MACROD2: variants seen among roughly 807,000 people sequenced by gnomAD.
MACROD2 encodes ADP-ribose glycohydrolase MACROD2.
In MACROD2, 36 loss-of-function variants were observed where a neutral mutation model predicts 70.4. The observed-to-expected ratio is 0.51, with a 90% CI of 0.39 to 0.68. The LOEUF is 0.68. Ranked by LOEUF, MACROD2 falls within the 30% of genes least tolerant of loss-of-function variation. The pLI is 0.00. For missense variants in MACROD2, 496 were observed against 538.4 expected, an observed-to-expected ratio of 0.92 and a Z score of 0.78; for synonymous variants, 172 against 178.8, an observed-to-expected ratio of 0.96 and a Z score of 0.30.
chr20:15,017,614 AGG>A (rs1187392002), intron 5 of MACROD2, among the ~76,000 whole-genome samples: 1 of 152,190 alleles, frequency 6.6e-6, no homozygotes, highest in Non-Finnish European at 1.5e-5. Flanking sequence ...GCCCTAGCAG[AGG>A]TTCTCCATGA....
chr20:14,652,844 A>G (rs1985747639), intron 4 of MACROD2, among the ~76,000 whole-genome samples: 1 of 152,208 alleles, frequency 6.6e-6, no homozygotes, highest in Admixed American at 6.5e-5. Flanking sequence ...GGAAAGAATT[A>G]GGATTTAGGT....
intron 6 of MACROD2, among the ~76,000 whole-genome samples, chr20:15,385,505 A>G (rs1009040007): frequency 6.6e-6 from 1 of 152,174 alleles, no homozygotes; most frequent in African/African-American, 2.4e-5. Context: ...CCATGGGGAC[A>G]TACTTACCTG....
At chr20:14,569,122 C>T (rs1036056474) in intron 4 of MACROD2, among the ~76,000 whole-genome samples, 37 of 151,968 alleles carry the variant, frequency 2.4e-4, no homozygotes, top group African/African-American at 8.9e-4. Context: ...TTTTTCTGTC[C>T]TTTGTCTACC....
intron 15 of MACROD2, 149 bp from the exon 16 acceptor site, chr20:16,041,052 G>A (rs1467190597): frequency 1.5e-6 from 1 of 685,208 alleles, no homozygotes; most frequent in African/African-American, 1.8e-5. Context: ...TCAACCCTCT[G>A]TTTCCTCTTT....
chr20:14,948,704 G>A (rs560013209), intron 5 of MACROD2, among the ~76,000 whole-genome samples: 1 of 152,254 alleles, frequency 6.6e-6, no homozygotes, highest in South Asian at 2.1e-4. Flanking sequence ...CAGTGGTGGG[G>A]CAGAAACAGG....
chr20:15,073,124 T>A (rs1439676625), intron 5 of MACROD2, among the ~76,000 whole-genome samples: 1 of 152,108 alleles, frequency 6.6e-6, no homozygotes, highest in East Asian at 1.9e-4. Context: ...AATGAACTTT[T>A]TAAAATTATA....
chr20:14,581,559 T>TA (rs1383807134), intron 4 of MACROD2, among the ~76,000 whole-genome samples: 1 of 152,230 alleles, frequency 6.6e-6, no homozygotes, highest in African/African-American at 2.4e-5. Context: ...TAAGGAGCAT[T>TA]ATAAAAGGCC....
At chr20:15,503,114 T>C (rs1328477542) in intron 8 of MACROD2, among the ~76,000 whole-genome samples, 1 of 152,184 alleles carries the variant, frequency 6.6e-6, no homozygotes, top group Admixed American at 6.5e-5. Context: ...ATGTCTGTTA[T>C]AAATGTAAAT....
chr20:15,209,762 T>G (rs755714331), intron 5 of MACROD2, among the ~76,000 whole-genome samples: 3 of 152,118 alleles, frequency 2.0e-5, no homozygotes, highest in Non-Finnish European at 4.4e-5. Flanking sequence ...CCTCCAACTT[T>G]TACATATTGA....
Position 14,326,799 on chromosome 20 carries a change from G to A in MACROD2, c.272-166680G>A, listed in dbSNP as rs1373368725. 6.2e-7 allele frequency: 1 copy of A among 1,613,718 alleles called. No homozygotes were observed. Among genetic ancestry groups the A allele is most frequent in the Admixed American group, 1.7e-5 (1 of 59,950 alleles). On this transcript the variant is annotated intron_variant, in intron 3 of 17. Transcript: ENST00000684519. This position sits in a 1 kb window ranked among gnomAD's most constrained non-coding sequence, Gnocchi z 5.5. ...GAAGGTTTACTGGTGCAGCAGTCAG[G>A]GAATTCCGCACCAGGGACAGCTCTG... is the stretch of plus-strand genomic sequence containing the variant.
At chr20:15,632,352 G>C (rs563719544) in intron 8 of MACROD2, among the ~76,000 whole-genome samples, 8 of 152,238 alleles carry the variant, frequency 5.3e-5, no homozygotes, top group Non-Finnish European at 8.8e-5. Flanking sequence ...CTATGCTTTA[G>C]TAATGCAAAC....
chr20:15,519,522 A>G lies in MACROD2; in HGVS notation c.645+19675A>G, dbSNP rs186038347. Among the ~76,000 whole-genome samples, 182 of 152,310 alleles carry G rather than the reference A, an allele frequency of 1.2e-3. 1 individual carries two copies. The highest frequency in any genetic ancestry group is 4.1e-3 in the African/African-American group (171 of 41,560). ...TGAGTGTGAGAATTTCTGTAAAACA[A>G]TTTTTAAAGAAACTTTTTATATGAA... On this transcript the variant is annotated intron_variant, in intron 8 of 17. Coordinates refer to ENST00000684519, the MANE Select transcript of MACROD2 (RefSeq NM_001351661.2).
At chr20:14,471,880 A>T (rs1318420268) in intron 3 of MACROD2, among the ~76,000 whole-genome samples, 1 of 152,206 alleles carries the variant, frequency 6.6e-6, no homozygotes, top group Non-Finnish European at 1.5e-5. Context: ...TTTTAAAAAT[A>T]ATTCACTATT....
At chr20:14,494,081 T>G (rs2084824749) in intron 4 of MACROD2, 1 of 152,082 alleles carries the variant, frequency 6.6e-6, no homozygotes, top group Admixed American at 6.6e-5. Flanking sequence ...GTACTGGGAA[T>G]TTTTTTGATA....
intron 8 of MACROD2, among the ~76,000 whole-genome samples, chr20:15,572,661 T>C (rs993034258): frequency 4.6e-5 from 7 of 152,170 alleles, no homozygotes; most frequent in African/African-American, 1.7e-4. Flanking sequence ...TGATTTTATA[T>C]GCTTTTAGTT....
chr20:16,022,719 A>C (rs1024876947), intron 15 of MACROD2, among the ~76,000 whole-genome samples: 1 of 152,226 alleles, frequency 6.6e-6, no homozygotes, highest in African/African-American at 2.4e-5. Flanking sequence ...CCTCCATGTC[A>C]GACATGAGAA....
At chr20:15,840,947 CCTT>C (rs1482453127) in intron 8 of MACROD2, among the ~76,000 whole-genome samples, 1 of 152,108 alleles carries the variant, frequency 6.6e-6, no homozygotes, top group Non-Finnish European at 1.5e-5. Flanking sequence ...AACAAGAAAA[CCTT>C]CTGAAGGCTG....
At chr20:15,029,492 A>G (rs960850873) in intron 5 of MACROD2, among the ~76,000 whole-genome samples, 2 of 152,186 alleles carry the variant, frequency 1.3e-5, no homozygotes, top group Admixed American at 6.5e-5. Context: ...GAATTTTCAT[A>G]TCTAACAACT....
intron 6 of MACROD2, among the ~76,000 whole-genome samples, chr20:15,276,158 T>C (rs2077389189): frequency 6.6e-6 from 1 of 152,170 alleles, no homozygotes; most frequent in Non-Finnish European, 1.5e-5. Context: ...CCCAGCACTT[T>C]GGGAGGCCGA....
Sources: gnomAD v4.1 joint callset for allele counts (sites outside exome capture counted in the v4.1 genomes callset) on GRCh38, gnomAD v4.1.1 for gene constraint, Gnocchi (gnomAD v3.1) non-coding constraint, MANE v1.5 for transcripts, NCBI Gene and HGNC (gene_info 2026-07-23, HGNC 2026-07-21) for gene names.